Variants in SYT14 observed in about 807,000 individuals in gnomAD.
SYT14 encodes the protein synaptotagmin-14.
A neutral mutation model predicts 74.2 loss-of-function variants in SYT14; 32 were observed. That is an observed-to-expected ratio of 0.43 (90% CI 0.33 to 0.58). SYT14 has a LOEUF of 0.58. Ranked by LOEUF, SYT14 falls within the 20% of genes least tolerant of loss-of-function variation. The pLI, the probability that SYT14 is intolerant of heterozygous loss-of-function variation, is 0.05. For missense variants in SYT14, 791 were observed against 981.8 expected (o/e 0.81, Z 2.60); for synonymous variants, 298 against 337.7 (o/e 0.88, Z 1.29).
intron 7 of SYT14, among the ~76,000 whole-genome samples, chr1:210,100,807 TAAAACTAG>T (rs2082050806): frequency 6.6e-6 from 1 of 152,160 alleles, no homozygotes; most frequent in Non-Finnish European, 1.5e-5. Context: ...TTTTCCAGGT[TAAAACTAG>T]GCAATACATT....
chr1:209,968,745 T>A (rs548744347), intron 2 of SYT14, among the ~76,000 whole-genome samples: 1 of 151,788 alleles, frequency 6.6e-6, no homozygotes, highest in Admixed American at 6.6e-5. Context: ...TTTTTAATAA[T>A]TTAAACATTT....
At chr1:210,043,467 A>T (rs868687027) in intron 5 of SYT14, among the ~76,000 whole-genome samples, 23 of 152,226 alleles carry the variant, frequency 1.5e-4, no homozygotes, top group Admixed American at 7.2e-4. Context: ...TGTAAAAAAA[A>T]ATAAGTGCAA....
At chr1:210,085,471 ACATTTCAC>A (rs1016294675) in intron 5 of SYT14, among the ~76,000 whole-genome samples, 1 of 152,178 alleles carries the variant, frequency 6.6e-6, no homozygotes, top group African/African-American at 2.4e-5. Context: ...AAAACTTTCA[ACATTTCAC>A]CATTAAATAC....
At chr1:210,048,581 C>T (rs1008983765) in intron 5 of SYT14, among the ~76,000 whole-genome samples, 5 of 152,178 alleles carry the variant, frequency 3.3e-5, no homozygotes, top group African/African-American at 9.7e-5. Flanking sequence ...CATCGAGTGC[C>T]TCCCATGTCA....
At chr1:210,127,227 T>C (rs897533650) in intron 7 of SYT14, among the ~76,000 whole-genome samples, 1 of 152,202 alleles carries the variant, frequency 6.6e-6, no homozygotes, top group Non-Finnish European at 1.5e-5. Context: ...TTTATTTTCA[T>C]TGGATAATGA....
At chr1:210,114,785 G>T (rs963600232) in intron 7 of SYT14, among the ~76,000 whole-genome samples, 2 of 151,128 alleles carry the variant, frequency 1.3e-5, no homozygotes, top group Non-Finnish European at 2.9e-5. Context: ...AACTGGACCA[G>T]GTGTGAGGAG....
chr1:210,110,611 C>T (rs999406405), intron 7 of SYT14, among the ~76,000 whole-genome samples: 5 of 152,086 alleles, frequency 3.3e-5, no homozygotes, highest in Non-Finnish European at 5.9e-5. Context: ...AAGAGTTTAT[C>T]GTAGATCAGG....
chr1:210,020,110 T>C (rs940964149), intron 4 of SYT14, among the ~76,000 whole-genome samples: 1 of 152,184 alleles, frequency 6.6e-6, no homozygotes, highest in African/African-American at 2.4e-5. Flanking sequence ...TGTGTATATA[T>C]ATTTTTCAAA....
intron 7 of SYT14, among the ~76,000 whole-genome samples, chr1:210,144,562 AAT>A (rs911906733): frequency 6.6e-6 from 1 of 152,006 alleles, no homozygotes; most frequent in African/African-American, 2.4e-5. Flanking sequence ...TTAATTTTTA[AAT>A]AGTTAAAATT....
intron 2 of SYT14, among the ~76,000 whole-genome samples, chr1:210,006,774 TTATAA>T (rs2079995410): frequency 6.6e-6 from 1 of 151,926 alleles, no homozygotes; most frequent in Non-Finnish European, 1.5e-5. Context: ...ATTTTAGAAA[TTATAA>T]TTAATTTGTT....
At chr1:209,943,099 T>G (rs777415126) in intron 1 of SYT14, among the ~76,000 whole-genome samples, 7 of 152,228 alleles carry the variant, frequency 4.6e-5, no homozygotes, top group Non-Finnish European at 7.3e-5. Flanking sequence ...AAATATTCAG[T>G]TAAAAAACCC....
intron 2 of SYT14, 28 bp from the exon 3 acceptor site, chr1:210,013,605 T>TTA (rs1193580248): frequency 1.9e-6 from 3 of 1,604,830 alleles, no homozygotes; most frequent in Non-Finnish European, 2.5e-6. Context: ...AAATAAATGC[T>TTA]TACAGCTGTG....
intron 2 of SYT14, among the ~76,000 whole-genome samples, chr1:210,010,222 A>G (rs1338927286): frequency 6.6e-6 from 1 of 152,166 alleles, no homozygotes; most frequent in Non-Finnish European, 1.5e-5. Context: ...AGGTTCTTTG[A>G]CAATTTGGAC....
In SYT14 at chr1:210,048,815, C is replaced by T. The variant is rs780441705; in HGVS notation, c.1312+27561C>T. 7.9e-5 allele frequency among the ~76,000 whole-genome samples: 12 copies of T among 152,266 alleles called. No homozygotes were observed. The South Asian group carries it at 8.3e-4, about 11-fold the overall frequency. On this transcript the variant is annotated intron_variant, in intron 5 of 9. Transcript: ENST00000637265. Reference sequence around the variant, plus strand: ...CAAGTCAAGTCCCCTCTGCCTATGACGCAGTAAAATCAAAAGCAAGTTAGT... The same window carrying T: ...CAAGTCAAGTCCCCTCTGCCTATGATGCAGTAAAATCAAAAGCAAGTTAGT...
At chr1:210,165,987 A>T (rs944537459) in exon 10 of SYT14, 2 of 152,252 alleles carry the variant, frequency 1.3e-5, no homozygotes, top group Non-Finnish European at 2.9e-5. Flanking sequence ...CTTTGCCCTC[A>T]TGGGGCCTAC....
intron 2 of SYT14, among the ~76,000 whole-genome samples, chr1:209,957,422 G>A (rs1483106176): frequency 6.6e-6 from 1 of 151,702 alleles, no homozygotes; most frequent in Non-Finnish European, 1.5e-5. Context: ...TTTTTATGTG[G>A]CTTTACTTTT....
rs747799547 is a variant in SYT14 at position 210,115,085 on chromosome 1, G to C, written c.2034+14624G>C. On this transcript the variant is annotated intron_variant, in intron 7 of 9. Coordinates refer to ENST00000637265, the Ensembl canonical transcript of SYT14. ...ATCTCAGACCATTTGCCCATTTTACGACAAGAATTATCTAGATCTTGTAGG... is the reference window on the plus strand; with the variant it reads ...ATCTCAGACCATTTGCCCATTTTACCACAAGAATTATCTAGATCTTGTAGG... 1.7e-4 allele frequency among the ~76,000 whole-genome samples: 26 copies of C among 149,628 alleles called. 1 individual carries two copies. Among genetic ancestry groups the C allele is most frequent in the Non-Finnish European group, 3.0e-4 (20 of 67,672 alleles).
intron 7 of SYT14, among the ~76,000 whole-genome samples, chr1:210,130,304 A>G (rs2082647599): frequency 6.6e-6 from 1 of 152,148 alleles, no homozygotes; most frequent in Non-Finnish European, 1.5e-5. Context: ...GTACATTTTG[A>G]GAGCAGAAAA....
exon 10 of SYT14, chr1:210,163,894 G>A (rs1214008229): frequency 4.4e-6 from 2 of 453,598 alleles, no homozygotes; most frequent in Admixed American, 4.7e-5. Flanking sequence ...GTAGGGAGCA[G>A]GTGTTGGCTC....
Sources: allele counts gnomAD v4.1 joint callset (sites outside exome capture counted in the v4.1 genomes callset), GRCh38; gene constraint gnomAD v4.1.1; transcripts MANE v1.5; gene names NCBI Gene and HGNC (gene_info 2026-07-23, HGNC 2026-07-21).